The following KIF18A variants were observed in gnomAD, a reference collection of about 807,000 sequenced individuals.
KIF18A encodes the protein kinesin family member 18A.
In KIF18A, 67 loss-of-function variants were observed where a neutral mutation model predicts 103.3. The observed-to-expected ratio is 0.65, with a 90% confidence interval of 0.53 to 0.79. KIF18A has a LOEUF of 0.79. KIF18A is among the 30% of genes least tolerant of loss of function. The pLI is 0.00. For missense variants in KIF18A, 1,032 were observed against 1,062.5 expected, an observed-to-expected ratio of 0.97 and a Z score of 0.40; for synonymous variants, 367 against 355.5, an observed-to-expected ratio of 1.03 and a Z score of -0.36.
chr11:28,047,909 A>G (rs1305926644), intron 13 of KIF18A, among the ~76,000 whole-genome samples: 1 of 152,144 alleles, frequency 6.6e-6, no homozygotes, highest in Non-Finnish European at 1.5e-5. Context: ...CCAACCATGA[A>G]TAAGAGAGAA....
chr11:28,083,662 C>T (rs1687530092), intron 7 of KIF18A, among the ~76,000 whole-genome samples: 1 of 151,986 alleles, frequency 6.6e-6, no homozygotes, highest in Admixed American at 6.6e-5. Context: ...ACATATAAAT[C>T]CAAATACTTG....
intron 10 of KIF18A, among the ~76,000 whole-genome samples, chr11:28,070,148 C>T (rs1223994478): frequency 2.0e-5 from 3 of 152,054 alleles, no homozygotes; most frequent in Admixed American, 6.6e-5. Context: ...GATGGGTAGA[C>T]CTGAAACAGT....
intron 6 of KIF18A, among the ~76,000 whole-genome samples, chr11:28,086,437 TAA>T (rs1851229295): frequency 6.6e-6 from 1 of 152,246 alleles, no homozygotes; most frequent in Non-Finnish European, 1.5e-5. Context: ...TAAATTTTGT[TAA>T]GTTTTGTTTC....
At chr11:28,058,657 G>C (rs1186391849) in intron 13 of KIF18A, among the ~76,000 whole-genome samples, 1 of 78,532 alleles carries the variant, frequency 1.3e-5, no homozygotes, top group Non-Finnish European at 2.2e-5. Flanking sequence ...GTGAGACCCT[G>C]TCACCAAAAA....
chr11:28,051,916 C>T (rs747519006), intron 13 of KIF18A, among the ~76,000 whole-genome samples: 3 of 152,178 alleles, frequency 2.0e-5, no homozygotes, highest in Non-Finnish European at 1.5e-5. Flanking sequence ...TTTCTACAAC[C>T]TCCACCCTGT....
In KIF18A at chr11:28,048,312, A is replaced by G. The variant is rs72876410; in HGVS notation, c.1948+10614T>C. Among the ~76,000 whole-genome samples the G allele has an allele frequency of 8.2e-3, 1,252 of 152,260 alleles. 16 individuals are homozygous for G. Among genetic ancestry groups the G allele is most frequent in the Non-Finnish European group, 9.0e-3 (614 of 67,996 alleles). Reference sequence around the variant, plus strand: ...TAGGCAAGTTGCAAAATAAATACACATGCACAGACATTTAATGGGGTGTCG... The same window carrying G: ...TAGGCAAGTTGCAAAATAAATACACGTGCACAGACATTTAATGGGGTGTCG... On this transcript the variant is annotated intron_variant, in intron 13 of 16. Transcript: ENST00000263181.
intron 9 of KIF18A, among the ~76,000 whole-genome samples, chr11:28,078,169 C>T (rs146461478): frequency 1.5e-3 from 227 of 152,110 alleles, no homozygotes; most frequent in African/African-American, 5.2e-3. Flanking sequence ...TAAGGATCAG[C>T]GGTAAAAACA....
rs976678256 is a variant in KIF18A at position 28,088,869 on chromosome 11, C to T, written c.700-148G>A. The T allele has an allele frequency of 2.5e-5, 16 of 646,384 alleles. No homozygotes were observed. The Admixed American group carries it at 3.1e-4, about 13-fold the overall frequency. The allele number at this position is 646,384 out of a possible 1,614,324, so 40.0% of individuals were successfully genotyped here. ...GTATAATCTAATTGATATTTAAGAG[C>T]ACTATAAGTAATCACTATAGCTGAG... On this transcript the variant is annotated intron_variant, in intron 5 of 16. Coordinates refer to ENST00000263181, the MANE Select transcript of KIF18A (RefSeq NM_031217.4).
At chr11:28,069,521 G>A (rs978837660) in intron 10 of KIF18A, 98 bp from the exon 11 acceptor site, 3 of 1,124,082 alleles carry the variant, frequency 2.7e-6, no homozygotes, top group East Asian at 2.6e-5. Context: ...TACTATTGTA[G>A]TAAATTAAGT....
chr11:28,057,973 A>G, intron 13 of KIF18A, among the ~76,000 whole-genome samples: 1 of 152,330 alleles, frequency 6.6e-6, no homozygotes, highest in Non-Finnish European at 1.5e-5. Flanking sequence ...AAACCTAACA[A>G]AAAGCTTTAT....
intron 15 of KIF18A, among the ~76,000 whole-genome samples, chr11:28,031,751 C>G (rs1850413183): frequency 6.6e-6 from 1 of 151,578 alleles, no homozygotes; most frequent in Non-Finnish European, 1.5e-5. Flanking sequence ...CCATACACGA[C>G]AGACCCACAG....
At chr11:28,101,159 A>G (rs1851441745) in intron 1 of KIF18A, among the ~76,000 whole-genome samples, 1 of 152,090 alleles carries the variant, frequency 6.6e-6, no homozygotes, top group Non-Finnish European at 1.5e-5. Context: ...GTTATAGGGC[A>G]TTTAGAACTG....
chr11:28,022,120 T>C (rs1056164175), intron 16 of KIF18A, among the ~76,000 whole-genome samples: 1 of 152,324 alleles, frequency 6.6e-6, no homozygotes, highest in South Asian at 2.1e-4. Flanking sequence ...AATACCTCTT[T>C]GGCAAGCATT....
At chr11:28,100,419 A>C (rs1202123107) in intron 1 of KIF18A, among the ~76,000 whole-genome samples, 7 of 152,034 alleles carry the variant, frequency 4.6e-5, no homozygotes, top group Non-Finnish European at 8.8e-5. Flanking sequence ...CTGAGAATTA[A>C]CCATGGGATT....
At chr11:28,036,692 C>A in intron 13 of KIF18A, 28 bp from the exon 14 acceptor site, 2 of 1,387,846 alleles carry the variant, frequency 1.4e-6, no homozygotes, top group South Asian at 1.5e-5. Flanking sequence ...AAAAGACACT[C>A]GATAATGTTT....
chr11:28,102,175 C>T lies in KIF18A; in HGVS notation c.-46-4182G>A, dbSNP rs184215386. On this transcript the variant is annotated intron_variant, in intron 1 of 16. Coordinates refer to ENST00000263181, the MANE Select transcript of KIF18A (RefSeq NM_031217.4). ...AGATAATCAACTAAAAGCCAGGCACCCTTTTAGCTCTGCGGAGAAACATTT... is the reference window on the plus strand; with the variant it reads ...AGATAATCAACTAAAAGCCAGGCACTCTTTTAGCTCTGCGGAGAAACATTT... 5.9e-5 allele frequency among the ~76,000 whole-genome samples: 9 copies of T among 152,158 alleles called. No homozygotes were observed. In the East Asian group the frequency reaches 1.5e-3, roughly 26 times the overall value.
chr11:28,098,925 CA>C (rs1209227422), intron 1 of KIF18A, among the ~76,000 whole-genome samples: 2 of 151,416 alleles, frequency 1.3e-5, no homozygotes, highest in Non-Finnish European at 2.9e-5. Context: ...CCCAAAACAA[CA>C]AGATCTGAGT....
chr11:28,055,942 T>C (rs1850774797), intron 13 of KIF18A, among the ~76,000 whole-genome samples: 1 of 152,108 alleles, frequency 6.6e-6, no homozygotes, highest in Non-Finnish European at 1.5e-5. Flanking sequence ...ATAGGTTGCA[T>C]GACCATACTA....
chr11:28,086,491 T>C (rs1421798008), intron 6 of KIF18A, among the ~76,000 whole-genome samples: 1 of 152,224 alleles, frequency 6.6e-6, no homozygotes, highest in African/African-American at 2.4e-5. Context: ...AAGTAGAATG[T>C]TTATATAAGA....
Sources: gnomAD v4.1 joint callset for allele counts (sites outside exome capture counted in the v4.1 genomes callset) on GRCh38, gnomAD v4.1.1 for gene constraint, MANE v1.5 for transcripts, NCBI Gene and HGNC (gene_info 2026-07-23, HGNC 2026-07-21) for gene names.